Variants in DCHS2 observed in about 807,000 individuals in gnomAD.
The protein encoded by DCHS2 is dachsous cadherin-related 2, also known as protocadherin-23.
Under a neutral mutation model 182.4 loss-of-function variants are expected in DCHS2, and 142 were observed. The ratio of observed to expected loss-of-function variants is 0.78; its 90% CI spans 0.68 to 0.89. The LOEUF (loss-of-function observed/expected upper bound fraction) is 0.89, where lower values mean the gene tolerates loss of function less well. Among genes scored for constraint, DCHS2 ranks in the 40% least tolerant of loss-of-function variants. DCHS2 has a pLI of 0.00. For synonymous variants in DCHS2, 1,740 were observed against 1,663.3 expected (o/e 1.05, Z -1.12); for missense variants, 4,319 against 4,198.6 (o/e 1.03, Z -0.79).
Position 154,333,428 on chromosome 4 carries a change from G to T in DCHS2, c.2780C>A (p.Pro927Gln), listed in dbSNP as rs370742012. ...GDLGGKFSIH[P>Q]RLGTIRTRKP... ...CCGGGTGCGAATAGTGCCCAGCCGC[G>T]GGTGAATGGAGAACTTTCCGCCGAG... The change falls in exon 5 of 20, where the codon CCG becomes CAG. Residue 927 changes from proline to glutamine, a missense_variant. Physicochemically the swap from Pro to Gln is moderately conservative, Grantham distance 76. Transcript: ENST00000357232. 5 of 1,613,896 alleles carry T rather than the reference G, an allele frequency of 3.1e-6. No homozygotes were observed. The African/African-American group carries it at 6.7e-5, about 22-fold the overall frequency.
Position 154,490,500 on chromosome 4 carries a change from C to A in DCHS2, c.856G>T (p.Val286Leu). The change falls in exon 1 of 20, where the codon GTG becomes TTG. Residue 286 changes from valine (V) to leucine (L), a missense_variant. Coordinates refer to ENST00000357232, the MANE Select transcript of DCHS2 (RefSeq NM_001358235.2). ...GGCGGGTTGTCGTTCTCATCCAGCA[C>A]GCGCAGCTCCACGCTCAGGAGGCCG... ...RTGLLSVELR[V>L]LDENDNPPVF... 6.5e-7 allele frequency: 1 copy of A among 1,537,118 alleles called. No homozygotes were observed. The highest frequency in any genetic ancestry group is 1.7e-4 in the Middle Eastern group (1 of 5,984).
At chr4:154,286,278 C>G (rs998425627) in intron 13 of DCHS2, among the ~76,000 whole-genome samples, 1 of 152,076 alleles carries the variant, frequency 6.6e-6, no homozygotes, top group African/African-American at 2.4e-5. Flanking sequence ...TAAATACCTA[C>G]TCTTCAATAT....
intron 1 of DCHS2, among the ~76,000 whole-genome samples, chr4:154,419,996 TC>T (rs1296988082): frequency 2.0e-5 from 3 of 152,036 alleles, no homozygotes; most frequent in African/African-American, 7.2e-5. Flanking sequence ...TTTAAGAACA[TC>T]CTTTTTGGTA....
At chr4:154,403,145 C>T (rs1277478522) in intron 1 of DCHS2, among the ~76,000 whole-genome samples, 2 of 152,048 alleles carry the variant, frequency 1.3e-5, no homozygotes, top group Non-Finnish European at 2.9e-5. Flanking sequence ...CAATATTTTG[C>T]CTTTTATTTC....
rs752401236 is a variant in DCHS2 at position 154,233,742 on chromosome 4, A to G, written c.*794T>C. 1 of 152,214 alleles carries G rather than the reference A, an allele frequency of 6.6e-6. No homozygotes were observed. Among genetic ancestry groups the G allele is most frequent in the Non-Finnish European group, 1.5e-5 (1 of 68,036 alleles). The allele number at this position is 152,214 out of a possible 1,614,324, so 9.4% of individuals were successfully genotyped here. On this transcript the variant is annotated 3_prime_UTR_variant, in exon 20 of 20. Coordinates refer to ENST00000357232, the MANE Select transcript of DCHS2 (RefSeq NM_001358235.2). ...GAAAAAAAAGCCATTCTGTTTGTAA[A>G]GAAGGCCAAGATAATATGTTTCAGG...
chr4:154,419,065 C>A (rs754127458), intron 1 of DCHS2, among the ~76,000 whole-genome samples: 1 of 152,184 alleles, frequency 6.6e-6, no homozygotes, highest in African/African-American at 2.4e-5. Flanking sequence ...GTAATAGCTA[C>A]AAAAATAGGC....
intron 1 of DCHS2, among the ~76,000 whole-genome samples, chr4:154,460,783 C>A: frequency 6.6e-6 from 1 of 152,248 alleles, no homozygotes; most frequent in Non-Finnish European, 1.5e-5. Flanking sequence ...CCAGCTACAA[C>A]TTCATGCCAG....
intron 6 of DCHS2, among the ~76,000 whole-genome samples, chr4:154,329,296 AT>A (rs1252043693): frequency 2.0e-5 from 3 of 152,228 alleles, no homozygotes; most frequent in Non-Finnish European, 2.9e-5. Context: ...AACTAAACTT[AT>A]TGTTATAAAG....
chr4:154,435,455 G>A (rs866365694), intron 1 of DCHS2, among the ~76,000 whole-genome samples: 1 of 152,028 alleles, frequency 6.6e-6, no homozygotes, highest in Admixed American at 6.6e-5. Flanking sequence ...AATTAGCTGG[G>A]TATGGTGGTG....
At chr4:154,287,132 A>C (rs1451198369) in intron 13 of DCHS2, among the ~76,000 whole-genome samples, 1 of 152,196 alleles carries the variant, frequency 6.6e-6, no homozygotes, top group Non-Finnish European at 1.5e-5. Context: ...TATGAAGGAG[A>C]AATAAAGACT....
chr4:154,427,234 T>C (rs1733368134), intron 1 of DCHS2, among the ~76,000 whole-genome samples: 1 of 152,126 alleles, frequency 6.6e-6, no homozygotes, highest in African/African-American at 2.4e-5. Flanking sequence ...TTACATATTT[T>C]AAGTTCAGCT....
At chr4:154,404,930 C>G (rs1322122906) in intron 1 of DCHS2, among the ~76,000 whole-genome samples, 1 of 152,116 alleles carries the variant, frequency 6.6e-6, no homozygotes, top group Non-Finnish European at 1.5e-5. Flanking sequence ...ACACCTCTAC[C>G]CCCAGAGTCC....
chr4:154,459,735 TCTCTCTCTCTC>T (rs1734930916), intron 1 of DCHS2, among the ~76,000 whole-genome samples: 1 of 2,054 alleles, frequency 4.9e-4, no homozygotes, highest in Admixed American at 7.1e-3. Flanking sequence ...ATCTACACAT[TCTCTCTCTCTC>T]TCTCTCTCTC....
intron 1 of DCHS2, among the ~76,000 whole-genome samples, chr4:154,469,081 G>GA (rs1440187062): frequency 6.6e-6 from 1 of 151,922 alleles, no homozygotes; most frequent in Non-Finnish European, 1.5e-5. Context: ...CGATAAAGCT[G>GA]AAAAATAGCA....
At chr4:154,287,722 T>A (rs898353471) in intron 13 of DCHS2, among the ~76,000 whole-genome samples, 1 of 152,102 alleles carries the variant, frequency 6.6e-6, no homozygotes, top group African/African-American at 2.4e-5. Context: ...CCTCAAGTGA[T>A]CCACCTGCCT....
At chr4:154,351,724 G>A (rs563223996) in intron 3 of DCHS2, among the ~76,000 whole-genome samples, 4 of 152,198 alleles carry the variant, frequency 2.6e-5, no homozygotes, top group South Asian at 2.1e-4. Context: ...TAAGGAGCAC[G>A]CAACCTAGAT....
chr4:154,354,145 C>T (rs112295004), intron 3 of DCHS2, among the ~76,000 whole-genome samples: 12,785 of 152,184 alleles, frequency 0.084, 1,001 homozygotes, highest in African/African-American at 0.2. Context: ...AGACTGGCCT[C>T]GAATTCCTGG....
intron 16 of DCHS2, among the ~76,000 whole-genome samples, chr4:154,243,254 G>A (rs992482170): frequency 1.3e-5 from 2 of 152,072 alleles, no homozygotes; most frequent in Non-Finnish European, 2.9e-5. Flanking sequence ...CAAATCAATC[G>A]AAATGCTAGA....
At chr4:154,244,893 C>A (rs1371029192) in intron 16 of DCHS2, among the ~76,000 whole-genome samples, 2 of 152,142 alleles carry the variant, frequency 1.3e-5, no homozygotes, top group Non-Finnish European at 2.9e-5. Flanking sequence ...ACTCATACTC[C>A]TTTCTCCCCT....
Sources: allele counts gnomAD v4.1 joint callset (sites outside exome capture counted in the v4.1 genomes callset), GRCh38; gene constraint gnomAD v4.1.1; transcripts MANE v1.5; gene names NCBI Gene and HGNC (gene_info 2026-07-23, HGNC 2026-07-21).